The following EDA variants were observed in gnomAD, a reference collection of about 807,000 sequenced individuals.
EDA encodes ectodysplasin-A.
In EDA, 2 loss-of-function variants were observed where a neutral mutation model predicts 23.6. The observed-to-expected ratio is 0.08, with a 90% CI of 0.03 to 0.27. EDA has a LOEUF of 0.27. EDA is among the 10% of genes least tolerant of loss of function. EDA has a pLI of 1.00. For missense variants in EDA, 229 were observed against 324.2 expected, an observed-to-expected ratio of 0.71 and a Z score of 2.26; for synonymous variants, 131 against 132.0, an observed-to-expected ratio of 0.99 and a Z score of 0.05.
At chrX:69,876,258 T>C (rs2017643301) in intron 1 of EDA, among the ~76,000 whole-genome samples, 1 of 104,082 alleles carries the variant, frequency 9.6e-6, no homozygotes, top group South Asian at 4.2e-4. Context: ...AGTTAACGAG[T>C]GGATAAAGAA....
chrX:69,803,246 TTTAGAAAAATGG>T (rs1038160648), intron 1 of EDA, among the ~76,000 whole-genome samples: 14 of 111,319 alleles, frequency 1.3e-4, no homozygotes, highest in Middle Eastern at 4.2e-3. Context: ...CAAAGCTTGC[TTTAGAAAAATGG>T]TTGACATAAC....
intron 1 of EDA, among the ~76,000 whole-genome samples, chrX:69,651,137 A>G (rs1394010734): frequency 8.9e-6 from 1 of 111,955 alleles, no homozygotes; most frequent in Non-Finnish European, 1.9e-5. Flanking sequence ...CAGTGTGACT[A>G]GAGCCTAGTA....
At chrX:69,682,565 G>C (rs1934406282) in intron 1 of EDA, among the ~76,000 whole-genome samples, 1 of 112,191 alleles carries the variant, frequency 8.9e-6, no homozygotes. Context: ...CAGTATTCGG[G>C]TGGGAGTGAC....
chrX:70,030,544 C>G (rs1247735163), intron 6 of EDA, 24 bp downstream of exon 6: 1 of 1,168,052 alleles, frequency 8.6e-7, no homozygotes, highest in Non-Finnish European at 1.2e-6. Context: ...TAGGCTCTCT[C>G]CCAAAGAGGA....
At chrX:69,736,027 C>G (rs1279330784) in intron 1 of EDA, among the ~76,000 whole-genome samples, 1 of 110,031 alleles carries the variant, frequency 9.1e-6, no homozygotes, top group Non-Finnish European at 1.9e-5. Context: ...AAAAAATAGG[C>G]TGGGCGTGGT....
chrX:69,713,440 T>G (rs767307738), intron 1 of EDA, among the ~76,000 whole-genome samples: 80 of 111,491 alleles, frequency 7.2e-4, no homozygotes, highest in African/African-American at 2.1e-3. Context: ...ACTACCACAG[T>G]TGAGATACAG....
At chrX:69,976,408 G>A (rs1286792841) in intron 2 of EDA, among the ~76,000 whole-genome samples, 1 of 111,353 alleles carries the variant, frequency 9.0e-6, no homozygotes. Flanking sequence ...GTCCTCTATC[G>A]TTAGCTGGAG....
intron 1 of EDA, among the ~76,000 whole-genome samples, chrX:69,709,624 C>T (rs1008495953): frequency 2.7e-5 from 3 of 111,594 alleles, no homozygotes; most frequent in African/African-American, 9.8e-5. Flanking sequence ...CCCATACTAG[C>T]TCCTAGTGTC....
intron 1 of EDA, among the ~76,000 whole-genome samples, chrX:69,809,226 G>GA (rs1338046458): frequency 9.0e-6 from 1 of 111,468 alleles, no homozygotes; most frequent in Admixed American, 9.6e-5. Context: ...GTAATTTATG[G>GA]AAAAAAAGAG....
chrX:69,992,773 G>A (rs140867601), intron 2 of EDA, among the ~76,000 whole-genome samples: 1,256 of 111,764 alleles, frequency 0.011, 12 homozygotes, highest in African/African-American at 0.035. Flanking sequence ...TGTGTGAGAT[G>A]TTTCATTTTG....
At chrX:69,932,936 C>T (rs1300900654) in intron 1 of EDA, among the ~76,000 whole-genome samples, 4 of 105,763 alleles carry the variant, frequency 3.8e-5, no homozygotes, top group African/African-American at 1.5e-4. Flanking sequence ...TTTAGTTCCT[C>T]TTCTTTTTTT....
At chrX:69,666,267 CTTA>C (rs1933678376) in intron 1 of EDA, among the ~76,000 whole-genome samples, 1 of 111,853 alleles carries the variant, frequency 8.9e-6, no homozygotes, top group Non-Finnish European at 1.9e-5. Flanking sequence ...TTCTTCCTTT[CTTA>C]TTTGGGTATC....
chrX:69,783,038 T>G (rs1363458001), intron 1 of EDA, among the ~76,000 whole-genome samples: 1 of 111,818 alleles, frequency 8.9e-6, no homozygotes, highest in African/African-American at 3.2e-5. Context: ...TTGATAAGCC[T>G]GAAGTGTAAG....
At chrX:69,640,686 G>A (rs1234207086) in intron 1 of EDA, among the ~76,000 whole-genome samples, 1 of 110,685 alleles carries the variant, frequency 9.0e-6, no homozygotes, top group Non-Finnish European at 1.9e-5. Context: ...TGAGGGTTTA[G>A]GGTGAAGTGG....
intron 1 of EDA, among the ~76,000 whole-genome samples, chrX:69,712,614 G>A (rs1241249282): frequency 9.0e-6 from 1 of 111,416 alleles, no homozygotes; most frequent in Non-Finnish European, 1.9e-5. Flanking sequence ...CTGTTGGTGG[G>A]ACTGTAAACT....
chrX:69,759,562 T>C (rs1207625682), intron 1 of EDA, among the ~76,000 whole-genome samples: 2 of 111,744 alleles, frequency 1.8e-5, no homozygotes, highest in African/African-American at 6.5e-5. Flanking sequence ...AGTCTGTAAG[T>C]ATACACCGTG....
chrX:69,922,593 A>C, intron 1 of EDA, among the ~76,000 whole-genome samples: 1 of 112,467 alleles, frequency 8.9e-6, no homozygotes, highest in South Asian at 3.7e-4. Flanking sequence ...ATGAATTTTT[A>C]AACAATAGTT....
chrX:69,625,556 C>T (rs765339488), intron 1 of EDA, among the ~76,000 whole-genome samples: 4 of 110,148 alleles, frequency 3.6e-5, no homozygotes, highest in Non-Finnish European at 3.8e-5. Flanking sequence ...GACAAAAGTA[C>T]CAAGATGATT....
intron 1 of EDA, among the ~76,000 whole-genome samples, chrX:69,719,827 G>T (rs1441209505): frequency 9.2e-6 from 1 of 108,584 alleles, no homozygotes; most frequent in African/African-American, 3.4e-5. Context: ...TCGGCTCACT[G>T]CAACCTCTGC....
Sources: gnomAD v4.1 joint callset for allele counts (sites outside exome capture counted in the v4.1 genomes callset) on GRCh38, gnomAD v4.1.1 for gene constraint, MANE v1.5 for transcripts, NCBI Gene and HGNC (gene_info 2026-07-23, HGNC 2026-07-21) for gene names.